PSPC1: variants seen among roughly 807,000 people sequenced by gnomAD.
PSPC1 encodes paraspeckle protein 1.
In PSPC1, 14 loss-of-function variants were observed where a neutral mutation model predicts 51.6. The observed-to-expected ratio is 0.27, with a 90% CI of 0.18 to 0.42. The LOEUF is 0.42. Ranked by LOEUF, PSPC1 falls within the 10% of genes least tolerant of loss-of-function variation. The pLI is 1.00. For synonymous variants in PSPC1, 193 were observed against 231.9 expected, an observed-to-expected ratio of 0.83 and a Z score of 1.53; for missense variants, 406 against 701.1, an observed-to-expected ratio of 0.58 and a Z score of 4.75.
chr13:19,764,710 A>T (rs982739987), intron 2 of PSPC1, among the ~76,000 whole-genome samples: 12 of 119,164 alleles, frequency 1.0e-4, no homozygotes, highest in Admixed American at 8.0e-4. Context: ...AAGGTGGCTT[A>T]AAAGATAATG....
At chr13:19,687,904 T>A (rs1433168977) in intron 6 of PSPC1, among the ~76,000 whole-genome samples, 2 of 152,070 alleles carry the variant, frequency 1.3e-5, no homozygotes, top group Non-Finnish European at 2.9e-5. Context: ...AGAATAAGAT[T>A]TTAGATTTGT....
downstream of PSPC1, among the ~76,000 whole-genome samples, chr13:19,673,961 C>T (rs555991743): frequency 6.6e-6 from 1 of 152,212 alleles, no homozygotes; most frequent in Non-Finnish European, 1.5e-5. Flanking sequence ...TAGTCATGTC[C>T]GGATCTCCTA....
chr13:19,773,841 TG>T (rs1019324862), intron 1 of PSPC1, among the ~76,000 whole-genome samples: 4 of 151,872 alleles, frequency 2.6e-5, no homozygotes, highest in African/African-American at 4.8e-5. Context: ...TCTGTAGAGA[TG>T]GGGGGGTCTC....
At chr13:19,736,542 G>C (rs1266442499) in intron 5 of PSPC1, among the ~76,000 whole-genome samples, 1 of 152,050 alleles carries the variant, frequency 6.6e-6, no homozygotes. Context: ...AATTAGCCAG[G>C]TGTGGTGACA....
chr13:19,711,963 C>A (rs1419575015), intron 6 of PSPC1, among the ~76,000 whole-genome samples: 2 of 152,072 alleles, frequency 1.3e-5, no homozygotes, highest in South Asian at 2.1e-4. Flanking sequence ...AACCAAATTG[C>A]CATTTCCTTA....
intron 6 of PSPC1, among the ~76,000 whole-genome samples, chr13:19,695,646 C>G (rs1243945417): frequency 2.6e-5 from 4 of 152,010 alleles, no homozygotes; most frequent in Non-Finnish European, 5.9e-5. Flanking sequence ...GAACCACATT[C>G]CAATCAGAAG....
intron 6 of PSPC1, among the ~76,000 whole-genome samples, chr13:19,724,972 C>T (rs1305564365): frequency 2.0e-5 from 3 of 151,686 alleles, no homozygotes; most frequent in Non-Finnish European, 2.9e-5. Flanking sequence ...GCACTCCAGC[C>T]TGGCGAGACA....
chr13:19,724,741 T>C (rs1883161081), intron 6 of PSPC1, among the ~76,000 whole-genome samples: 1 of 152,118 alleles, frequency 6.6e-6, no homozygotes, highest in South Asian at 2.1e-4. Flanking sequence ...GGCTCATACA[T>C]GTAATCCCAC....
At chr13:19,709,394 A>G in intron 7 of PSPC1, 148 bp downstream of exon 7, 1 of 539,610 alleles carries the variant, frequency 1.9e-6, no homozygotes, top group Non-Finnish European at 3.3e-6. Flanking sequence ...ATTGTATTGT[A>G]TTCCAGTTTA....
At chr13:19,763,462 A>G (rs1010220887) in intron 2 of PSPC1, among the ~76,000 whole-genome samples, 1 of 152,174 alleles carries the variant, frequency 6.6e-6, no homozygotes, top group Non-Finnish European at 1.5e-5. Context: ...CACCAAGTCA[A>G]TCATTAGTTT....
At chr13:19,756,728 C>A (rs1394081535) in intron 3 of PSPC1, among the ~76,000 whole-genome samples, 2 of 151,976 alleles carry the variant, frequency 1.3e-5, no homozygotes, top group Non-Finnish European at 2.9e-5. Context: ...AACTCCTGAC[C>A]TCGTGATCTG....
chr13:19,718,210 G>A (rs935242561), intron 6 of PSPC1, among the ~76,000 whole-genome samples: 37 of 151,976 alleles, frequency 2.4e-4, no homozygotes, highest in Non-Finnish European at 2.8e-4. Flanking sequence ...TATGTTATTC[G>A]CTGCTAGTTA....
intron 6 of PSPC1, among the ~76,000 whole-genome samples, chr13:19,714,110 C>A (rs896086740): frequency 1.3e-5 from 2 of 152,170 alleles, no homozygotes; most frequent in Non-Finnish European, 2.9e-5. Context: ...AAATCTCTAT[C>A]CATGGGTACA....
At chr13:19,679,949 T>C (rs1877087822) in intron 6 of PSPC1, among the ~76,000 whole-genome samples, 1 of 152,222 alleles carries the variant, frequency 6.6e-6, no homozygotes, top group Admixed American at 6.5e-5. Flanking sequence ...TACTAAAACC[T>C]AGAAAAGTAA....
chr13:19,776,632 C>T (rs975841217), intron 1 of PSPC1, among the ~76,000 whole-genome samples: 1 of 151,716 alleles, frequency 6.6e-6, no homozygotes. Flanking sequence ...CTCAGCCTCC[C>T]GGGTAGCTGG....
intron 6 of PSPC1, among the ~76,000 whole-genome samples, chr13:19,725,203 C>T (rs957111699): frequency 1.3e-5 from 2 of 151,874 alleles, no homozygotes; most frequent in African/African-American, 2.4e-5. Flanking sequence ...TTTTAAAATC[C>T]CAGGTGTCAG....
chr13:19,708,795 A>G (rs1881027548), intron 7 of PSPC1, among the ~76,000 whole-genome samples: 1 of 152,230 alleles, frequency 6.6e-6, no homozygotes, highest in Non-Finnish European at 1.5e-5. Context: ...TAAGATAGAA[A>G]TGTATAAAAC....
chr13:19,728,980 G>T (rs1478088921), intron 6 of PSPC1, among the ~76,000 whole-genome samples: 1 of 152,040 alleles, frequency 6.6e-6, no homozygotes. Flanking sequence ...GTTATTGCGA[G>T]TCACAAATCA....
At position 19,764,641 on chromosome 13, in the gene PSPC1, G is replaced by A. The variant is rs145891805; in HGVS notation, c.675-5223C>T. The stretch of plus-strand genomic sequence containing the variant: ...TTCCAGGTTACAATGAGCTATGATC[G>A]TGCCACTGCACTCCAACCTGGGTAA... On this transcript the variant is annotated intron_variant, in intron 2 of 8. Transcript: ENST00000338910. 8.9e-3 allele frequency among the ~76,000 whole-genome samples: 1,146 copies of A among 128,966 alleles called. 18 individuals carry two copies. The highest frequency in any genetic ancestry group is 0.03 in the African/African-American group (1,044 of 35,168). 84.6% of individuals were successfully genotyped at this position (128,966 alleles called of 152,430 possible).
Sources: gnomAD v4.1 joint callset for allele counts (sites outside exome capture counted in the v4.1 genomes callset) on GRCh38, gnomAD v4.1.1 for gene constraint, MANE v1.5 for transcripts, NCBI Gene and HGNC (gene_info 2026-07-23, HGNC 2026-07-21) for gene names.